NFATC2IP: variants seen among roughly 807,000 people sequenced by gnomAD.
NFATC2IP encodes the protein nuclear factor of activated T cells 2 interacting protein, also known as NFATC2-interacting protein.
A neutral mutation model predicts 40.2 loss-of-function variants in NFATC2IP; 25 were observed. The observed-to-expected ratio is 0.62, with a 90% confidence interval of 0.45 to 0.87. The LOEUF is 0.87. Ranked by LOEUF, NFATC2IP falls within the 40% of genes least tolerant of loss-of-function variation. NFATC2IP has a pLI of 0.00. For missense variants in NFATC2IP, 553 were observed against 555.6 expected (o/e 1.00, Z 0.05); for synonymous variants, 241 against 236.3 (o/e 1.02, Z -0.18).
chr16:28,960,034 T>C (rs1381839219), intron 7 of NFATC2IP, among the ~76,000 whole-genome samples: 1 of 152,190 alleles, frequency 6.6e-6, no homozygotes, highest in Non-Finnish European at 1.5e-5. Flanking sequence ...TCCTTACCTC[T>C]TTCTAGCTTC....
rs1048312487 is a variant in NFATC2IP at position 28,958,991 on chromosome 16, A to G, written c.992A>G (p.Asp331Gly). 2 of 1,612,426 alleles carry G rather than the reference A, an allele frequency of 1.2e-6. No individual in the cohort carries two copies. The highest frequency in any genetic ancestry group is 1.7e-6 in the Non-Finnish European group (2 of 1,178,638). ...GGCTTCCTGATTCTGCCTCCCACAG[A>G]CTGTGTGGTACTAACAAGTTCTCCA... ...TLKLGVADII[D>G]CVVLTSSPEA... The change falls in exon 7 of 8, where the codon GAC (aspartate) becomes GGC (glycine). Residue 331 changes from aspartate (D) to glycine (G), a missense_variant and splice_region_variant. By Grantham distance (94) the Asp-to-Gly change is moderately conservative. Transcript: ENST00000320805.
chr16:28,958,795 G>A lies in NFATC2IP; in HGVS notation c.925G>A (p.Gly309Arg). 6.2e-7 allele frequency: 1 copy of A among 1,614,048 alleles called. No individual in the cohort carries two copies. Among genetic ancestry groups the A allele is most frequent in the Non-Finnish European group, 8.5e-7 (1 of 1,179,972 alleles). Residue 309 changes from glycine to arginine, a missense_variant, in exon 6 of 8, where the codon GGA becomes AGA. Gly to Arg is a moderately radical substitution (Grantham distance 125, BLOSUM62 -2). Transcript: ENST00000320805. Reference sequence around the variant, plus strand: ...CCCAAGCAGGATCCTTTTGCTTTTTGGAGAGACAGAGCTATCACCTACTGC... The same window carrying A: ...CCCAAGCAGGATCCTTTTGCTTTTTAGAGAGACAGAGCTATCACCTACTGC... ...VSPSRILLLF[G>R]ETELSPTATP... is the part of the protein sequence containing the mutation.
chr16:28,964,006 C>T lies in NFATC2IP; in HGVS notation c.*143C>T. 1 of 753,532 alleles carries T rather than the reference C, an allele frequency of 1.3e-6. No individual in the cohort carries two copies. The highest frequency in any genetic ancestry group is 2.1e-6 in the Non-Finnish European group (1 of 469,846). 46.7% of individuals were successfully genotyped at this position (753,532 alleles called of 1,614,324 possible). A position where few individuals can be genotyped will look rare whatever the true frequency, so the allele number is the denominator to read the frequency against. Reference sequence around the variant, plus strand: ...CAAGGAGTGACTTTTGTCCCCTCTCCTGTTGACCCTGGTTTAGAGCCGTTA... The same window carrying T: ...CAAGGAGTGACTTTTGTCCCCTCTCTTGTTGACCCTGGTTTAGAGCCGTTA... On this transcript the variant is annotated 3_prime_UTR_variant, in exon 8 of 8. Coordinates refer to ENST00000320805, the MANE Select transcript of NFATC2IP (RefSeq NM_032815.4).
At chr16:28,955,418 G>T (rs1046719753) in intron 3 of NFATC2IP, among the ~76,000 whole-genome samples, 3 of 152,060 alleles carry the variant, frequency 2.0e-5, no homozygotes, top group Non-Finnish European at 4.4e-5. Flanking sequence ...AGTGCTTGCC[G>T]TCTGTCGGAT....
At position 28,963,697 on chromosome 16, in the gene NFATC2IP, C is replaced by T. The variant is rs74014817; in HGVS notation, c.1102-8C>T. The T allele has an allele frequency of 2.7e-5, 43 of 1,613,354 alleles. No homozygotes were observed. The African/African-American group carries it at 5.2e-4, about 20-fold the overall frequency. On this transcript the variant is annotated splice_region_variant and splice_polypyrimidine_tract_variant and intron_variant, in intron 7 of 7. Coordinates refer to ENST00000320805, the MANE Select transcript of NFATC2IP (RefSeq NM_032815.4). ...TTCTGACGTCCATTTTCTTTTGTCT[C>T]CATCCAGGATTCCCCTCTAAAGACC...
chr16:28,963,557 T>G (rs1176347799), intron 7 of NFATC2IP, 148 bp from the exon 8 acceptor site: 15 of 647,704 alleles, frequency 2.3e-5, no homozygotes, highest in Non-Finnish European at 3.7e-5. Context: ...CTGGCTTCTT[T>G]GTCCTCTCTC....
intron 3 of NFATC2IP, among the ~76,000 whole-genome samples, chr16:28,955,075 T>C (rs1244058647): frequency 6.6e-6 from 1 of 152,046 alleles, no homozygotes; most frequent in Non-Finnish European, 1.5e-5. Context: ...ATGCCTGTGA[T>C]CCCAGCTGCT....
chr16:28,962,748 C>G (rs1965100786), intron 7 of NFATC2IP, among the ~76,000 whole-genome samples: 1 of 152,224 alleles, frequency 6.6e-6, no homozygotes, highest in African/African-American at 2.4e-5. Flanking sequence ...AGGGTCTCTT[C>G]ATGGAATCTG....
chr16:28,958,403 G>A (rs370402963), intron 5 of NFATC2IP: 9 of 232,540 alleles, frequency 3.9e-5, no homozygotes, highest in East Asian at 3.6e-4. Context: ...ACTGGCCCAC[G>A]TTCCCACACA....
intron 4 of NFATC2IP, 38 bp downstream of exon 4, chr16:28,956,096 G>T: frequency 6.2e-7 from 1 of 1,613,092 alleles, no homozygotes; most frequent in South Asian, 1.1e-5. Context: ...ATGGAAGAGG[G>T]CAATCCGGGA....
chr16:28,956,640 A>T (rs1965025743), intron 5 of NFATC2IP: 1 of 282,884 alleles, frequency 3.5e-6, no homozygotes, highest in Non-Finnish European at 6.7e-6. Flanking sequence ...GCTGGTTCCG[A>T]ACTCCTGGGC....
In NFATC2IP at chr16:28,963,922, T is replaced by C; in HGVS notation, c.*59T>C. 1.3e-6 allele frequency: 2 copies of C among 1,552,614 alleles called. No homozygotes were observed. The highest frequency in any genetic ancestry group is 2.3e-5 in the South Asian group (2 of 88,694). On this transcript the variant is annotated 3_prime_UTR_variant, in exon 8 of 8. Coordinates refer to ENST00000320805, the MANE Select transcript of NFATC2IP (RefSeq NM_032815.4). Reference sequence around the variant, plus strand: ...CTTGGGGAGAATGACTTTCCCTTTTTTGCCCCATAAGGGCTAGCATAAGCT... The same window carrying C: ...CTTGGGGAGAATGACTTTCCCTTTTCTGCCCCATAAGGGCTAGCATAAGCT...
rs1964955961 is a variant in NFATC2IP at position 28,950,950 on chromosome 16, T to C, written c.-62T>C. On this transcript the variant is annotated 5_prime_UTR_variant, in exon 1 of 8. Coordinates refer to ENST00000320805, the MANE Select transcript of NFATC2IP (RefSeq NM_032815.4). The stretch of plus-strand genomic sequence containing the variant: ...CTGTTTGTCCAATGCAAGGCGAAAG[T>C]CGCTGAAGGGGGCGGGGCGAGGCGA... 1.4e-6 allele frequency: 2 copies of C among 1,420,550 alleles called. No homozygotes were observed. Among genetic ancestry groups the C allele is most frequent in the South Asian group, 1.5e-5 (1 of 65,340 alleles). 88.0% of individuals were successfully genotyped at this position (1,420,550 alleles called of 1,614,324 possible).
intron 5 of NFATC2IP, among the ~76,000 whole-genome samples, chr16:28,957,381 T>G (rs972364965): frequency 3.3e-5 from 5 of 151,422 alleles, no homozygotes; most frequent in East Asian, 2.0e-4. Flanking sequence ...GGTGGCTCAT[T>G]CCTGTAATCC....
intron 5 of NFATC2IP, 167 bp downstream of exon 5, chr16:28,956,504 T>C (rs1965024001): frequency 1.7e-6 from 1 of 594,518 alleles, no homozygotes; most frequent in South Asian, 2.1e-5. Context: ...ACTTTTTGTT[T>C]CCTCTGTCTG....
chr16:28,952,445 G>A, intron 2 of NFATC2IP: 1 of 538,656 alleles, frequency 1.9e-6, no homozygotes, highest in Non-Finnish European at 3.1e-6. Flanking sequence ...GGCAGGAGGC[G>A]GTAAGGTGTT....
At chr16:28,956,430 C>T (rs1965023058) in intron 5 of NFATC2IP, 93 bp downstream of exon 5, 2 of 891,364 alleles carry the variant, frequency 2.2e-6, no homozygotes, top group Non-Finnish European at 3.5e-6. Flanking sequence ...AAGGGACTGT[C>T]ATCCTTTTCC....
chr16:28,952,772 C>T lies in NFATC2IP; in HGVS notation c.460+568C>T, dbSNP rs546255214. The T allele has an allele frequency of 2.6e-3, 378 of 146,358 alleles. 3 individuals carry two copies. The highest frequency in any genetic ancestry group is 8.7e-3 in the African/African-American group (348 of 39,862). The allele number at this position is 146,358 out of a possible 1,614,324, so 9.1% of individuals were successfully genotyped here. On this transcript the variant is annotated intron_variant, in intron 2 of 7. Transcript: ENST00000320805. Reference sequence around the variant, plus strand: ...TTTTTTTTTTTTTTAGACAGAGTTTCGCTTTTGTTGCCCAAGCTGGAGTGC... The same window carrying T: ...TTTTTTTTTTTTTTAGACAGAGTTTTGCTTTTGTTGCCCAAGCTGGAGTGC...
intron 7 of NFATC2IP, among the ~76,000 whole-genome samples, chr16:28,961,899 C>CAAAAAAA (rs1161300546): frequency 1.6e-4 from 8 of 49,136 alleles, no homozygotes; most frequent in Non-Finnish European, 2.9e-4. Flanking sequence ...GACTTCGTCT[C>CAAAAAAA]AAAAAAAAAA....
Sources: gnomAD v4.1 joint callset for allele counts (sites outside exome capture counted in the v4.1 genomes callset) on GRCh38, gnomAD v4.1.1 for gene constraint, MANE v1.5 for transcripts, NCBI Gene and HGNC (gene_info 2026-07-23, HGNC 2026-07-21) for gene names.